The following KLK7 variants were observed in gnomAD, a reference collection of about 807,000 sequenced individuals.
The protein encoded by KLK7 is kallikrein-7.
KLK7 carries 17 observed loss-of-function variants against 21.0 expected under a neutral mutation model. The ratio of observed to expected loss-of-function variants is 0.81; its 90% CI spans 0.55 to 1.21. KLK7 has a LOEUF of 1.21. Ranked by LOEUF, KLK7 falls within the 50% of genes most tolerant of loss-of-function variation. The pLI is 0.00. For synonymous variants in KLK7, 151 were observed against 134.6 expected, an observed-to-expected ratio of 1.12 and a Z score of -0.85; for missense variants, 330 against 322.8, an observed-to-expected ratio of 1.02 and a Z score of -0.17.
At chr19:50,980,146 C>G (rs1385178667) in intron 4 of KLK7, 94 bp downstream of exon 4, 9 of 1,394,732 alleles carry the variant, frequency 6.5e-6, no homozygotes, top group Non-Finnish European at 8.8e-6. Flanking sequence ...GCCTGGACTC[C>G]TGGGTCTGAG....
chr19:50,982,066 CAGA>C, intron 2 of KLK7, 152 bp from the exon 3 acceptor site: 1 of 915,126 alleles, frequency 1.1e-6, no homozygotes, highest in South Asian at 1.8e-5. Context: ...TAGAGACAGA[CAGA>C]AGGAGCCCAC....
chr19:50,984,014 C>G, upstream of KLK7: 1 of 977,262 alleles, frequency 1.0e-6, no homozygotes, highest in Non-Finnish European at 1.4e-6. Flanking sequence ...GACACCCCCG[C>G]CTGCATTTGC....
intron 5 of KLK7, among the ~76,000 whole-genome samples, chr19:50,979,061 T>A (rs1278054494): frequency 6.6e-6 from 1 of 151,640 alleles, no homozygotes; most frequent in East Asian, 1.9e-4. Flanking sequence ...TGAAATTATG[T>A]CACAAAGAGA....
At chr19:50,982,260 A>G in intron 2 of KLK7, 67 bp downstream of exon 2, 1 of 1,563,856 alleles carries the variant, frequency 6.4e-7, no homozygotes, top group South Asian at 1.2e-5. Context: ...GTTCTGACTC[A>G]GGGACTCCTT....
At chr19:50,983,664 G>A (rs768796613) in intron 1 of KLK7, 187 bp downstream of exon 1, 2 of 828,952 alleles carry the variant, frequency 2.4e-6, no homozygotes, top group Non-Finnish European at 3.2e-6. Flanking sequence ...CCTTCCCTGT[G>A]GAACCCAAAC....
chr19:50,979,930 G>T lies in KLK7; in HGVS notation c.470-6C>A. ...GAGGTCAGAGGGAAAGGTCACTGCA[G>T]GGAGGAGCAGGGAGAGCTGTCAGTC... is the stretch of plus-strand genomic sequence containing the variant. On this transcript the variant is annotated splice_polypyrimidine_tract_variant and splice_region_variant and intron_variant, in intron 4 of 5. Transcript: ENST00000595820. 6.3e-7 allele frequency: 1 copy of T among 1,591,224 alleles called. No homozygotes were observed. The highest frequency in any genetic ancestry group is 8.6e-7 in the Non-Finnish European group (1 of 1,168,656).
chr19:50,978,758 GAA>G (rs1172322868), intron 5 of KLK7, among the ~76,000 whole-genome samples: 1 of 144,516 alleles, frequency 6.9e-6, no homozygotes, highest in African/African-American at 2.6e-5. Flanking sequence ...AGAAGAAAGA[GAA>G]AGAGAGAGAC....
In KLK7 at chr19:50,981,961, A is replaced by G. The variant is rs746216817; in HGVS notation, c.74-47T>C. On this transcript the variant is annotated intron_variant, in intron 2 of 5. Transcript: ENST00000595820. ...CACGTGGGTAGCTAGCATTAGGGGA[A>G]GGCTGAGGCTGCACCTCAGGGATTC... 8.8e-5 allele frequency: 140 copies of G among 1,589,306 alleles called. 1 individual carries two copies. The Middle Eastern group carries it at 1.5e-3, about 17-fold the overall frequency.
chr19:50,977,704 G>A lies in KLK7; in HGVS notation c.607-13C>T, dbSNP rs113580433. 48 of 1,608,324 alleles carry A rather than the reference G, an allele frequency of 3.0e-5. No individual in the cohort carries two copies. In the African/African-American group the frequency reaches 3.7e-4, roughly 13 times the overall value. ...CCCCTGAGTCACCCTAGAGGGAATA[G>A]AGCCGGAGATTAACTTTGGCTTCAG... On this transcript the variant is annotated splice_polypyrimidine_tract_variant and intron_variant, in intron 5 of 5. Coordinates refer to ENST00000595820, the MANE Select transcript of KLK7 (RefSeq NM_005046.4).
intron 3 of KLK7, among the ~76,000 whole-genome samples, chr19:50,981,300 G>A (rs2091083545): frequency 6.8e-6 from 1 of 147,758 alleles, no homozygotes; most frequent in Non-Finnish European, 1.5e-5. Flanking sequence ...GAGACCCGGA[G>A]AGAGAAGGGG....
At chr19:50,977,848 C>T (rs1416035663) in intron 5 of KLK7, among the ~76,000 whole-genome samples, 157 bp from the exon 6 acceptor site, 1 of 152,186 alleles carries the variant, frequency 6.6e-6, no homozygotes, top group East Asian at 1.9e-4. Context: ...AATGGGAGAG[C>T]TAGTGCTAGG....
chr19:50,981,840 C>T lies in KLK7; in HGVS notation c.148G>A (p.Gly50Ser). The T allele has an allele frequency of 3.1e-6, 5 of 1,610,174 alleles. No individual in the cohort carries two copies. Among genetic ancestry groups the T allele is most frequent in the Non-Finnish European group, 4.2e-6 (5 of 1,178,824 alleles). ...ACGCCTCCGCAGTGGAGCTGATTGC[C>T]ACTGAGCAGGGCCACCTGCCATGGG... ...SHPWQVALLS[G>S]NQLHCGGVLV... Residue 50 changes from glycine to serine, a missense_variant, in exon 3 of 6, where the codon GGC (glycine) becomes AGC (serine). Coordinates refer to ENST00000595820, the MANE Select transcript of KLK7 (RefSeq NM_005046.4).
At chr19:50,979,682 A>G (rs1483899926) in intron 5 of KLK7, 106 bp downstream of exon 5, 2 of 1,105,772 alleles carry the variant, frequency 1.8e-6, no homozygotes, top group East Asian at 2.6e-5. Flanking sequence ...GCCTGGGGGG[A>G]GGGCAAGGCC....
intron 1 of KLK7, among the ~76,000 whole-genome samples, chr19:50,983,247 CCCAGCCCCTCCTCCCTCAGA>C (rs2091104965): frequency 1.7e-5 from 1 of 58,006 alleles, no homozygotes; most frequent in Non-Finnish European, 3.4e-5. Context: ...GAGTCCAGGC[CCCAGCCCCTCCTCCCTCAGA>C]CCCAGGAGTC....
intron 4 of KLK7, 79 bp downstream of exon 4, chr19:50,980,161 G>A: frequency 6.8e-7 from 1 of 1,474,014 alleles, no homozygotes; most frequent in Non-Finnish European, 9.3e-7. Context: ...TCTGAGGGAG[G>A]AGGGGCTGGG....
At chr19:50,978,962 A>G (rs982659785) in intron 5 of KLK7, among the ~76,000 whole-genome samples, 2 of 151,886 alleles carry the variant, frequency 1.3e-5, no homozygotes, top group Non-Finnish European at 2.9e-5. Context: ...GAGAAGACAG[A>G]GAGCAGAGAG....
chr19:50,979,292 T>C (rs2091058518), intron 5 of KLK7, among the ~76,000 whole-genome samples: 1 of 152,182 alleles, frequency 6.6e-6, no homozygotes, highest in Non-Finnish European at 1.5e-5. Flanking sequence ...ATGATGGGCA[T>C]GGTATCCACA....
At chr19:50,979,134 G>A (rs1666686180) in intron 5 of KLK7, among the ~76,000 whole-genome samples, 1 of 152,112 alleles carries the variant, frequency 6.6e-6, no homozygotes, top group Non-Finnish European at 1.5e-5. Flanking sequence ...GGAACAGAGA[G>A]GAGGTGGAGA....
At chr19:50,980,919 G>A (rs2091076088) in intron 3 of KLK7, among the ~76,000 whole-genome samples, 1 of 146,530 alleles carries the variant, frequency 6.8e-6, no homozygotes, top group South Asian at 2.3e-4. Flanking sequence ...GACCCAGAGA[G>A]AGGGGAACAG....
Sources: gnomAD v4.1 joint callset for allele counts (sites outside exome capture counted in the v4.1 genomes callset) on GRCh38, gnomAD v4.1.1 for gene constraint, MANE v1.5 for transcripts, NCBI Gene and HGNC (gene_info 2026-07-23, HGNC 2026-07-21) for gene names.